The following SLC38A1 variants were observed in gnomAD, a reference collection of about 807,000 sequenced individuals.
SLC38A1 encodes the protein solute carrier family 38 member 1.
Under a neutral mutation model 60.3 loss-of-function variants are expected in SLC38A1, and 18 were observed. The observed-to-expected ratio is 0.30, with a 90% CI of 0.21 to 0.44. SLC38A1 has a LOEUF of 0.44. SLC38A1 is among the 20% of genes least tolerant of loss of function. The probability of loss-of-function intolerance (pLI) is 1.00; values close to 1 mark genes in which losing one functional copy is unlikely to be tolerated. For synonymous variants in SLC38A1, 196 were observed against 212.1 expected, an observed-to-expected ratio of 0.92 and a Z score of 0.66; for missense variants, 448 against 587.2, an observed-to-expected ratio of 0.76 and a Z score of 2.45.
At chr12:46,193,462 C>G (rs1939230570) in intron 16 of SLC38A1, among the ~76,000 whole-genome samples, 1 of 152,166 alleles carries the variant, frequency 6.6e-6, no homozygotes, top group Admixed American at 6.5e-5. Flanking sequence ...TGGTGCAGAG[C>G]TGAGTTCAAG....
intron 1 of SLC38A1, among the ~76,000 whole-genome samples, chr12:46,251,026 C>T (rs1197928489): frequency 6.6e-6 from 1 of 152,096 alleles, no homozygotes; most frequent in Non-Finnish European, 1.5e-5. Context: ...AAAAAGAGCC[C>T]ACATTGCCAA....
intron 1 of SLC38A1, among the ~76,000 whole-genome samples, chr12:46,243,756 C>T (rs1042136061): frequency 4.6e-5 from 7 of 152,102 alleles, no homozygotes; most frequent in South Asian, 2.1e-4. Flanking sequence ...TTAACACAAC[C>T]GTAATTACTA....
At position 46,188,847 on chromosome 12, in the gene SLC38A1, T is replaced by G; in HGVS notation, c.*123A>C. On this transcript the variant is annotated 3_prime_UTR_variant, in exon 17 of 17. Transcript: ENST00000398637. ...GTTTTGCAACCAAAAAGTTATTCCA[T>G]TTTAAGTATCCTGTACATTTCTGTT... 1.3e-6 allele frequency: 1 copy of G among 745,096 alleles called. No individual in the cohort carries two copies. The highest frequency in any genetic ancestry group is 2.2e-6 in the Non-Finnish European group (1 of 454,256). The allele number at this position is 745,096 out of a possible 1,614,324, so 46.2% of individuals were successfully genotyped here.
intron 1 of SLC38A1, among the ~76,000 whole-genome samples, chr12:46,263,217 T>G (rs1942252473): frequency 6.6e-6 from 1 of 152,162 alleles, no homozygotes; most frequent in African/African-American, 2.4e-5. Flanking sequence ...CATTCTTATG[T>G]GCAGCCAATG....
chr12:46,207,098 C>T (rs1380740847), intron 8 of SLC38A1, 57 bp downstream of exon 8: 2 of 1,162,858 alleles, frequency 1.7e-6, no homozygotes, highest in South Asian at 2.9e-5. Flanking sequence ...TTTGATTGGC[C>T]CATATTTAAA....
At chr12:46,263,018 T>C (rs1169149996) in intron 1 of SLC38A1, among the ~76,000 whole-genome samples, 2 of 152,330 alleles carry the variant, frequency 1.3e-5, no homozygotes, top group Middle Eastern at 3.4e-3. Context: ...GGTGGACTTG[T>C]AGACAAATCT....
At chr12:46,238,554 T>C (rs1941336018) in intron 3 of SLC38A1, among the ~76,000 whole-genome samples, 1 of 152,218 alleles carries the variant, frequency 6.6e-6, no homozygotes, top group Non-Finnish European at 1.5e-5. Context: ...CCTGCATATG[T>C]CACTCTCTTC....
In SLC38A1 at chr12:46,198,056, C is replaced by T. The variant is rs1190228528; in HGVS notation, c.1127G>A (p.Arg376His). ...CTTAGCCAGTTCAAATAAAGATGAA[C>T]GAACCTGCAAGAAAAGAAAACAAAG... ...LTVPVLFFTV[R>H]SSLFELAKKT... The change falls in exon 15 of 17, where the codon CGT becomes CAT. Residue 376 changes from arginine to histidine, a missense_variant. Physicochemically the swap from Arg to His is conservative, Grantham distance 29. This residue lies in a region of SLC38A1 where 346 missense variants were observed against 497.5 expected (regional missense o/e 0.70). Coordinates refer to ENST00000398637, the MANE Select transcript of SLC38A1 (RefSeq NM_030674.4). 1.2e-6 allele frequency: 2 copies of T among 1,613,110 alleles called. No individual in the cohort carries two copies. Among genetic ancestry groups the T allele is most frequent in the Non-Finnish European group, 8.5e-7 (1 of 1,179,742 alleles).
At chr12:46,254,644 A>T (rs1336005007) in intron 1 of SLC38A1, among the ~76,000 whole-genome samples, 2 of 152,132 alleles carry the variant, frequency 1.3e-5, no homozygotes, top group African/African-American at 4.8e-5. Flanking sequence ...CCCCAAAGGG[A>T]TTTGCTTGGC....
chr12:46,228,097 A>C (rs892121913), intron 5 of SLC38A1, among the ~76,000 whole-genome samples: 2 of 152,200 alleles, frequency 1.3e-5, no homozygotes, highest in African/African-American at 4.8e-5. Flanking sequence ...AGTTAGGTTC[A>C]CTGAATTAGG....
intron 16 of SLC38A1, among the ~76,000 whole-genome samples, chr12:46,189,359 C>G: frequency 6.6e-6 from 1 of 151,908 alleles, no homozygotes; most frequent in East Asian, 1.9e-4. Flanking sequence ...CTACAAATAA[C>G]TGGGTATCCT....
chr12:46,239,454 A>G, intron 3 of SLC38A1: 1 of 324,068 alleles, frequency 3.1e-6, no homozygotes, highest in East Asian at 6.3e-5. Context: ...CCTCCCAAGT[A>G]GCTGGGACTA....
At chr12:46,190,493 T>C (rs2136839618) in intron 16 of SLC38A1, among the ~76,000 whole-genome samples, 1 of 152,330 alleles carries the variant, frequency 6.6e-6, no homozygotes. Context: ...TAGTTCTGGA[T>C]CCTTGAGGAA....
At chr12:46,208,643 A>C (rs1940014854) in intron 6 of SLC38A1, among the ~76,000 whole-genome samples, 1 of 152,212 alleles carries the variant, frequency 6.6e-6, no homozygotes, top group Non-Finnish European at 1.5e-5. Flanking sequence ...TTGCCTCAGG[A>C]GTAACACTTT....
chr12:46,224,312 T>A (rs76228615), intron 5 of SLC38A1, among the ~76,000 whole-genome samples: 2,286 of 152,122 alleles, frequency 0.015, 59 homozygotes, highest in African/African-American at 0.051. Context: ...CCCACCAGCA[T>A]CCTCAGAATT....
Position 46,186,011 on chromosome 12 carries a change from A to G in SLC38A1, c.*2959T>C, listed in dbSNP as rs1938925752. On this transcript the variant is annotated 3_prime_UTR_variant, in exon 17 of 17. Coordinates refer to ENST00000398637, the MANE Select transcript of SLC38A1 (RefSeq NM_030674.4). ...ATTATATTTGATGGTTAGATTCTTT[A>G]GCAAACCTATTACATTATTCGATGT... is the stretch of plus-strand genomic sequence containing the variant. The G allele has an allele frequency of 1.3e-5, 2 of 152,168 alleles. No individual in the cohort carries two copies. 9.4% of individuals were successfully genotyped at this position (152,168 alleles called of 1,614,324 possible).
chr12:46,268,293 C>A lies in SLC38A1; in HGVS notation c.-209+233G>T, dbSNP rs1014172737. Among the ~76,000 whole-genome samples the A allele has an allele frequency of 1.3e-5, 2 of 152,210 alleles. No individual in the cohort carries two copies. Among genetic ancestry groups the A allele is most frequent in the African/African-American group, 4.8e-5 (2 of 41,466 alleles). ...ACCAAAAAGTAAGCCACAGCCCACG[C>A]AAAGGTGAACTCGGGGGCCCTGGCG... On this transcript the variant is annotated intron_variant, in intron 1 of 16. Transcript: ENST00000398637. This position sits in a 1 kb window ranked among gnomAD's most constrained non-coding sequence, Gnocchi z 4.4.
intron 3 of SLC38A1, among the ~76,000 whole-genome samples, chr12:46,235,180 CAG>C (rs1180639217): frequency 6.6e-6 from 1 of 151,372 alleles, no homozygotes; most frequent in Non-Finnish European, 1.5e-5. Flanking sequence ...AGGCAAGAAA[CAG>C]AGAGGTTCTG....
intron 1 of SLC38A1, among the ~76,000 whole-genome samples, chr12:46,264,912 T>C (rs973988): frequency 1.3e-5 from 2 of 151,958 alleles, no homozygotes; most frequent in Admixed American, 6.5e-5. Context: ...CCACCTTTCA[T>C]AGATGTATAT....
Sources: allele counts gnomAD v4.1 joint callset (sites outside exome capture counted in the v4.1 genomes callset), GRCh38; gene constraint gnomAD v4.1.1; regional missense constraint gnomAD v4.1.1; non-coding constraint Gnocchi (gnomAD v3.1); transcripts MANE v1.5; gene names NCBI Gene and HGNC (gene_info 2026-07-23, HGNC 2026-07-21).